Variants in MSH3 observed in about 807,000 individuals in gnomAD.
MSH3 encodes the protein mutS homolog 3.
In MSH3, 106 loss-of-function variants were observed where a neutral mutation model predicts 123.3. The ratio of observed to expected loss-of-function variants is 0.86; its 90% CI spans 0.73 to 1.01. The LOEUF is 1.01. Among genes scored for constraint, MSH3 ranks in the 50% least tolerant of loss-of-function variants. The pLI is 0.00. For synonymous variants in MSH3, 515 were observed against 481.4 expected, an observed-to-expected ratio of 1.07 and a Z score of -0.91; for missense variants, 1,459 against 1,347.6, an observed-to-expected ratio of 1.08 and a Z score of -1.29.
intron 8 of MSH3, among the ~76,000 whole-genome samples, chr5:80,708,529 C>T (rs779573631): frequency 9.3e-5 from 14 of 150,942 alleles, no homozygotes; most frequent in Admixed American, 2.6e-4. Flanking sequence ...ACGATCATAG[C>T]TCTCTGCATC....
In MSH3 at chr5:80,654,703, G is replaced by T. The variant is rs1229757956; in HGVS notation, c.-25G>T. 6 of 1,578,470 alleles carry T rather than the reference G, an allele frequency of 3.8e-6. No homozygotes were observed. The African/African-American group carries it at 8.4e-5, about 22-fold the overall frequency. ...CTCGCGCTCCTCGCCAGGCCCTGCC[G>T]CCGGGCTGCCATCCTTGCCCTGCCA... On this transcript the variant is annotated 5_prime_UTR_variant, in exon 1 of 24. Coordinates refer to ENST00000265081, the MANE Select transcript of MSH3 (RefSeq NM_002439.5).
In MSH3 at chr5:80,681,629, A is replaced by G. The variant is rs539761421; in HGVS notation, c.1340+2536A>G. Among the ~76,000 whole-genome samples, 116 of 151,002 alleles carry G rather than the reference A, an allele frequency of 7.7e-4. No homozygotes were observed. The South Asian group carries it at 0.012, about 16-fold the overall frequency. On this transcript the variant is annotated intron_variant, in intron 8 of 23. Coordinates refer to ENST00000265081, the MANE Select transcript of MSH3 (RefSeq NM_002439.5). ...GTTCATTTTTCTTTATATTTTATTA[A>G]CTTAGTATATATTTTATTAACTTAG...
At chr5:80,682,633 G>A (rs1039671950) in intron 8 of MSH3, among the ~76,000 whole-genome samples, 4 of 152,134 alleles carry the variant, frequency 2.6e-5, no homozygotes, top group South Asian at 2.1e-4. Context: ...TGGGTTACAT[G>A]AGATACTTTC....
At chr5:80,674,223 A>G (rs1443662807) in intron 6 of MSH3, among the ~76,000 whole-genome samples, 1 of 152,092 alleles carries the variant, frequency 6.6e-6, no homozygotes, top group African/African-American at 2.4e-5. Context: ...TATGGGTCCT[A>G]TGTCCTGATG....
chr5:80,773,742 G>T (rs1407424201), intron 15 of MSH3, among the ~76,000 whole-genome samples: 1 of 152,042 alleles, frequency 6.6e-6, no homozygotes, highest in African/African-American at 2.4e-5. Context: ...TTATTTAAAT[G>T]AATCATTGAA....
chr5:80,734,639 C>T (rs1035794788), intron 10 of MSH3, among the ~76,000 whole-genome samples: 2 of 152,106 alleles, frequency 1.3e-5, no homozygotes, highest in Admixed American at 6.6e-5. Context: ...GTTCCAAGCC[C>T]TTTGTGAACT....
chr5:80,822,214 T>A (rs1285602224), intron 20 of MSH3, among the ~76,000 whole-genome samples: 2 of 152,246 alleles, frequency 1.3e-5, no homozygotes, highest in African/African-American at 4.8e-5. Context: ...AGAGAAGTAC[T>A]GTGCCATAGT....
chr5:80,784,749 G>A (rs546217759), intron 17 of MSH3, among the ~76,000 whole-genome samples: 13 of 152,254 alleles, frequency 8.5e-5, no homozygotes, highest in African/African-American at 2.9e-4. Flanking sequence ...GGGCCTGTCC[G>A]TTTTGTGTTT....
At chr5:80,781,698 G>T (rs1237807370) in intron 17 of MSH3, among the ~76,000 whole-genome samples, 1 of 151,968 alleles carries the variant, frequency 6.6e-6, no homozygotes, top group Non-Finnish European at 1.5e-5. Flanking sequence ...GAACTCCTGG[G>T]CTATGTCCAA....
At chr5:80,806,629 T>C (rs245395) in intron 19 of MSH3, among the ~76,000 whole-genome samples, 130,936 of 152,226 alleles carry the variant, frequency 0.86, 56,397 homozygotes, top group East Asian at 1. Flanking sequence ...GCTATAGCAT[T>C]ATAATAACTT....
At chr5:80,851,117 A>G (rs997196304) in intron 20 of MSH3, among the ~76,000 whole-genome samples, 4 of 152,144 alleles carry the variant, frequency 2.6e-5, no homozygotes, top group Admixed American at 2.0e-4. Context: ...TTCTCTTATT[A>G]TTGGATATTT....
intron 8 of MSH3, among the ~76,000 whole-genome samples, chr5:80,724,597 T>C (rs552616922): frequency 6.6e-6 from 1 of 152,174 alleles, no homozygotes; most frequent in South Asian, 2.1e-4. Flanking sequence ...TTTATGTACT[T>C]AGGCAAATTT....
At chr5:80,736,862 C>T (rs1405759855) in intron 10 of MSH3, among the ~76,000 whole-genome samples, 1 of 152,186 alleles carries the variant, frequency 6.6e-6, no homozygotes, top group Non-Finnish European at 1.5e-5. Flanking sequence ...CCGGTTCCCC[C>T]TGGACTTTGC....
chr5:80,823,834 G>A (rs1745241956), intron 20 of MSH3, among the ~76,000 whole-genome samples: 1 of 152,174 alleles, frequency 6.6e-6, no homozygotes, highest in Non-Finnish European at 1.5e-5. Context: ...CTAGGCAGAG[G>A]ACCCTGCGGC....
chr5:80,706,531 C>T (rs3776967), intron 8 of MSH3, among the ~76,000 whole-genome samples: 50,970 of 151,966 alleles, frequency 0.34, 8,644 homozygotes, highest in Non-Finnish European at 0.37. Flanking sequence ...AAAATACCTC[C>T]TGAGTCACAG....
At chr5:80,770,231 A>C (rs1744193207) in intron 15 of MSH3, among the ~76,000 whole-genome samples, 1 of 152,094 alleles carries the variant, frequency 6.6e-6, no homozygotes, top group African/African-American at 2.4e-5. Flanking sequence ...TACTTTAATA[A>C]AAGATATGTA....
At chr5:80,846,705 G>A (rs138250078) in intron 20 of MSH3, among the ~76,000 whole-genome samples, 8 of 152,248 alleles carry the variant, frequency 5.3e-5, no homozygotes, top group African/African-American at 7.2e-5. Flanking sequence ...CTCCGTGGGC[G>A]TGAGACCTGG....
At chr5:80,815,218 T>C (rs1745079520) in intron 20 of MSH3, among the ~76,000 whole-genome samples, 1 of 152,146 alleles carries the variant, frequency 6.6e-6, no homozygotes, top group African/African-American at 2.4e-5. Context: ...GTTATTCTGA[T>C]CCCCATATAT....
rs1362962336 is a variant in MSH3 at position 80,670,268 on chromosome 5, G to A, written c.751G>A (p.Glu251Lys). 1.2e-6 allele frequency: 2 copies of A among 1,614,128 alleles called. No homozygotes were observed. The highest frequency in any genetic ancestry group is 2.2e-5 in the South Asian group (2 of 91,086). Residue 251 changes from glutamate to lysine, a missense_variant, in exon 4 of 24, where the codon GAA becomes AAA. Coordinates refer to ENST00000265081, the MANE Select transcript of MSH3 (RefSeq NM_002439.5). ...QQHKDAVLCVECGYKYRFFGE... is the reference protein window; with the variant it reads ...QQHKDAVLCVKCGYKYRFFGE... ...GCACAAAGATGCAGTTTTGTGTGTG[G>A]AATGTGGATATAAGTATAGATTCTT...
Sources: gnomAD v4.1 joint callset for allele counts (sites outside exome capture counted in the v4.1 genomes callset) on GRCh38, gnomAD v4.1.1 for gene constraint, MANE v1.5 for transcripts, NCBI Gene and HGNC (gene_info 2026-07-23, HGNC 2026-07-21) for gene names.